ALMS1: variants seen among roughly 807,000 people sequenced by gnomAD.
ALMS1 encodes the protein ALMS1 centrosome and basal body associated protein, also known as centrosome-associated protein ALMS1.
Under a neutral mutation model 352.2 loss-of-function variants are expected in ALMS1, and 271 were observed. That is an observed-to-expected ratio of 0.77 (90% CI 0.70 to 0.85). ALMS1 has a LOEUF of 0.85. Ranked by LOEUF, ALMS1 falls within the 40% of genes least tolerant of loss-of-function variation. The probability of loss-of-function intolerance (pLI) is 0.00; values close to 1 mark genes in which losing one functional copy is unlikely to be tolerated. For synonymous variants in ALMS1, 1,865 were observed against 1,761.2 expected, an observed-to-expected ratio of 1.06 and a Z score of -1.48; for missense variants, 5,445 against 4,870.7, an observed-to-expected ratio of 1.12 and a Z score of -3.51.
intron 16 of ALMS1, among the ~76,000 whole-genome samples, chr2:73,573,999 T>C (rs1675000543): frequency 6.6e-6 from 1 of 152,184 alleles, no homozygotes. Context: ...ATAAGCCTTG[T>C]GGATGTGGTC....
intron 4 of ALMS1, among the ~76,000 whole-genome samples, chr2:73,423,769 TTTTG>T (rs1168800608): frequency 2.6e-5 from 4 of 152,104 alleles, no homozygotes; most frequent in African/African-American, 7.2e-5. Flanking sequence ...CTCTTTCTCT[TTTTG>T]TTTGTTTGCT....
chr2:73,466,301 G>A (rs1672342268), intron 9 of ALMS1, among the ~76,000 whole-genome samples: 2 of 151,978 alleles, frequency 1.3e-5, no homozygotes, highest in Non-Finnish European at 2.9e-5. Flanking sequence ...ATACTATGCA[G>A]CCATAAAAAA....
In ALMS1 at chr2:73,419,268, AAAATCAAG is replaced by A. The variant is rs748188171; in HGVS notation, c.597_604del (p.Glu199AspfsTer19). 6.2e-7 allele frequency: 1 copy of A among 1,613,996 alleles called. No homozygotes were observed. Among genetic ancestry groups the A allele is most frequent in the African/African-American group, 1.3e-5 (1 of 74,942 alleles). The stretch of plus-strand genomic sequence containing the variant: ...GAGGAGGGCATATTGACGCAATCAG[AAAATCAAG>A]TAAAGGAACCCAACAGAGATCTCTT... On this transcript the variant is annotated frameshift_variant, in exon 3 of 23. Coordinates refer to ENST00000613296, the MANE Select transcript of ALMS1 (RefSeq NM_001378454.1). LOFTEE classifies it high-confidence loss of function.
chr2:73,493,462 C>T (rs575394220), intron 10 of ALMS1, among the ~76,000 whole-genome samples: 1 of 151,810 alleles, frequency 6.6e-6, no homozygotes, highest in African/African-American at 2.4e-5. Flanking sequence ...GTGGCTCACA[C>T]CTGTAATCCC....
In ALMS1 at chr2:73,573,161, G is replaced by T. The variant is rs1243181452; in HGVS notation, c.11284G>T (p.Glu3762Ter). ...CCTTTCCGGCACCACTTCTACTGTCGAATCAGATATATTGACCCAAACAGA... is the reference window on the plus strand; with the variant it reads ...CCTTTCCGGCACCACTTCTACTGTCTAATCAGATATATTGACCCAAACAGA... ...NILSGTTSTV[E>*]SDILTQTDRE... Residue 3762 changes from glutamate to a stop codon, truncating the protein, a stop_gained, in exon 16 of 23, where the codon GAA becomes TAA. Coordinates refer to ENST00000613296, the MANE Select transcript of ALMS1 (RefSeq NM_001378454.1). LOFTEE classifies it high-confidence loss of function. 4 of 1,613,496 alleles carry T rather than the reference G, an allele frequency of 2.5e-6. No homozygotes were observed. Among genetic ancestry groups the T allele is most frequent in the Non-Finnish European group, 3.4e-6 (4 of 1,179,838 alleles).
At chr2:73,590,627 C>T (rs1392864157) in intron 16 of ALMS1, among the ~76,000 whole-genome samples, 1 of 148,670 alleles carries the variant, frequency 6.7e-6, no homozygotes, top group Non-Finnish European at 1.5e-5. Flanking sequence ...TTTTTGTAAA[C>T]ATATTTGGAG....
chr2:73,411,001 G>A (rs1671066909), intron 2 of ALMS1, among the ~76,000 whole-genome samples: 3 of 151,962 alleles, frequency 2.0e-5, no homozygotes, highest in Admixed American at 6.6e-5. Flanking sequence ...AGTACCTGGG[G>A]CCATTAAATG....
At chr2:73,415,739 C>T (rs191309694) in intron 2 of ALMS1, among the ~76,000 whole-genome samples, 2 of 152,198 alleles carry the variant, frequency 1.3e-5, no homozygotes, top group Admixed American at 6.5e-5. Flanking sequence ...TCTCCAGCAA[C>T]GTGCTGCTGA....
intron 2 of ALMS1, among the ~76,000 whole-genome samples, chr2:73,418,040 A>C (rs1671211936): frequency 6.6e-6 from 1 of 152,200 alleles, no homozygotes; most frequent in Admixed American, 6.5e-5. Flanking sequence ...TTTTAGACCT[A>C]GAAATCAAAC....
chr2:73,490,446 T>C lies in ALMS1; in HGVS notation c.8487T>C (p.Asn2829=), dbSNP rs756959656. Residue 2829 remains asparagine (N), a synonymous_variant, in exon 10 of 23, where the codon AAT becomes AAC. Transcript: ENST00000613296. ...ATTCTGAGCCCAGTACCAGGGCAAA[T>C]TGTAGCAATTTCAAGGAAATTCAGA... The part of the protein sequence containing the change: ...GSHSEPSTRA[N]CSNFKEIQIS... The C allele has an allele frequency of 6.1e-5, 99 of 1,614,002 alleles. 3 individuals are homozygous for C. The South Asian group carries it at 9.1e-4, about 15-fold the overall frequency.
intron 16 of ALMS1, among the ~76,000 whole-genome samples, chr2:73,593,976 A>G (rs775195596): frequency 1.4e-4 from 21 of 152,254 alleles, no homozygotes; most frequent in Non-Finnish European, 2.6e-4. Context: ...TCTATTCATC[A>G]GTTCATGGAC....
At chr2:73,603,106 G>A (rs1326508992) in intron 20 of ALMS1, 135 bp from the exon 21 acceptor site, 1 of 779,898 alleles carries the variant, frequency 1.3e-6, no homozygotes, top group Non-Finnish European at 2.2e-6. Flanking sequence ...GGCTTGCCTT[G>A]GTCATTGCTC....
Position 73,549,290 on chromosome 2 carries a change from C to A in ALMS1, c.9908-977C>A, listed in dbSNP as rs181496111. ...AAATTAAATACTTTCAAATCTTTTA[C>A]TTATCATCTGTCATTTTCCATTCAG... On this transcript the variant is annotated intron_variant, in intron 12 of 22. Coordinates refer to ENST00000613296, the MANE Select transcript of ALMS1 (RefSeq NM_001378454.1). 3.3e-5 allele frequency among the ~76,000 whole-genome samples: 5 copies of A among 152,248 alleles called. No individual in the cohort carries two copies. In the East Asian group the frequency reaches 9.6e-4, roughly 29 times the overall value.
chr2:73,489,911 A>G lies in ALMS1; in HGVS notation c.7952A>G (p.His2651Arg). The change falls in exon 10 of 23, where the codon CAT (histidine) becomes CGT (arginine). Residue 2651 changes from histidine to arginine, a missense_variant. His to Arg is a conservative substitution (Grantham distance 29, BLOSUM62 0). Transcript: ENST00000613296. ...KVWNSLQLKS[H>R]SPFQNFIPDE... ...TGGAATTCCTTGCAGTTAAAAAGTC[A>G]TTCCCCATTTCAGAACTTTATACCT... 6.2e-7 allele frequency: 1 copy of G among 1,614,226 alleles called. No individual in the cohort carries two copies. The highest frequency in any genetic ancestry group is 8.5e-7 in the Non-Finnish European group (1 of 1,180,040).
intron 9 of ALMS1, among the ~76,000 whole-genome samples, chr2:73,457,551 T>C (rs1672093131): frequency 6.6e-6 from 1 of 152,170 alleles, no homozygotes; most frequent in African/African-American, 2.4e-5. Context: ...GTAATACTTT[T>C]TAACTCTCCT....
In ALMS1 at chr2:73,449,744, A is replaced by C; in HGVS notation, c.3217A>C (p.Ser1073Arg). ...ATCAGACAGTCATCTACCTGAAGAG[A>C]GTCTGAAAGTTTCAGCCTTCCCTGG... ...VLSDSHLPEE[S>R]LKVSAFPGPA... The change falls in exon 8 of 23, where the codon AGT (serine) becomes CGT (arginine). Residue 1073 changes from serine to arginine, a missense_variant. Physicochemically the swap from Ser to Arg is moderately radical, Grantham distance 110. Transcript: ENST00000613296. 1 of 1,614,026 alleles carries C rather than the reference A, an allele frequency of 6.2e-7. No individual in the cohort carries two copies. Among genetic ancestry groups the C allele is most frequent in the Non-Finnish European group, 8.5e-7 (1 of 1,179,958 alleles).
chr2:73,391,294 CT>C (rs397972016), intron 1 of ALMS1, among the ~76,000 whole-genome samples: 117 of 114,914 alleles, frequency 1.0e-3, no homozygotes, highest in Middle Eastern at 4.8e-3. Flanking sequence ...ACGTTTTATT[CT>C]TTTTTTTTTT....
chr2:73,392,833 A>C (rs1381119428), intron 1 of ALMS1, among the ~76,000 whole-genome samples: 1 of 152,150 alleles, frequency 6.6e-6, no homozygotes, highest in African/African-American at 2.4e-5. Flanking sequence ...ATGTGTGGAC[A>C]TATGGATTCA....
In ALMS1 at chr2:73,602,233, C is replaced by T. The variant is rs569696567; in HGVS notation, c.12163C>T (p.Arg4055Trp). The change falls in exon 20 of 23, where the codon CGG (arginine) becomes TGG (tryptophan). Residue 4055 changes from arginine to tryptophan, a missense_variant. Physicochemically the swap from Arg to Trp is moderately radical, Grantham distance 101. Transcript: ENST00000613296. Reference protein sequence around the residue: ...RPDFISRSGERIKRLKLIVQE... With the variant: ...RPDFISRSGEWIKRLKLIVQE... ...TGACTTCATCTCCCGCTCTGGGGAG[C>T]GGATAAAGCGCCTGAAGTTAATAGT... is the stretch of plus-strand genomic sequence containing the variant. 3.7e-6 allele frequency: 6 copies of T among 1,613,968 alleles called. No homozygotes were observed. The highest frequency in any genetic ancestry group is 4.5e-5 in the East Asian group (2 of 44,890).
Sources: allele counts gnomAD v4.1 joint callset (sites outside exome capture counted in the v4.1 genomes callset), GRCh38; gene constraint gnomAD v4.1.1; transcripts MANE v1.5; gene names NCBI Gene and HGNC (gene_info 2026-07-23, HGNC 2026-07-21).